The following ZNF385B variants were observed in gnomAD, a reference collection of about 807,000 sequenced individuals.
ZNF385B encodes zinc finger protein 533.
In ZNF385B, 23 loss-of-function variants were observed where a neutral mutation model predicts 39.2. The ratio of observed to expected loss-of-function variants is 0.59; its 90% CI spans 0.42 to 0.83. ZNF385B has a LOEUF of 0.83. ZNF385B is among the 40% of genes least tolerant of loss of function. ZNF385B has a pLI of 0.00. For synonymous variants in ZNF385B, 205 were observed against 222.6 expected (o/e 0.92, Z 0.70); for missense variants, 552 against 598.9 (o/e 0.92, Z 0.82).
intron 3 of ZNF385B, among the ~76,000 whole-genome samples, chr2:179,582,566 G>C (rs962670723): frequency 3.3e-5 from 5 of 152,030 alleles, no homozygotes; most frequent in Admixed American, 1.3e-4. Flanking sequence ...TTTAGTTCTT[G>C]AGGAGACATC....
chr2:179,445,082 T>TGGAAC, intron 8 of ZNF385B, 105 bp from the exon 9 acceptor site: 1 of 936,386 alleles, frequency 1.1e-6, no homozygotes, highest in Non-Finnish European at 1.7e-6. Flanking sequence ...AGGTCCATAG[T>TGGAAC]TCCACGATGG....
chr2:179,536,839 T>C (rs2059594570), intron 4 of ZNF385B, among the ~76,000 whole-genome samples: 1 of 152,124 alleles, frequency 6.6e-6, no homozygotes, highest in Admixed American at 6.6e-5. Context: ...GACTATGCAT[T>C]ATACAAACAT....
chr2:179,521,170 T>TTTTG (rs2058463822), intron 4 of ZNF385B, among the ~76,000 whole-genome samples: 1 of 148,072 alleles, frequency 6.8e-6, no homozygotes, highest in Non-Finnish European at 1.5e-5. Context: ...TAATACAGTT[T>TTTTG]TTTTTGTTTT....
At chr2:179,504,769 C>T (rs1293862579) in intron 5 of ZNF385B, among the ~76,000 whole-genome samples, 3 of 151,406 alleles carry the variant, frequency 2.0e-5, no homozygotes, top group Non-Finnish European at 4.4e-5. Context: ...GTAACAAACC[C>T]GCACGTTGTG....
intron 3 of ZNF385B, among the ~76,000 whole-genome samples, chr2:179,592,284 A>T (rs1687630756): frequency 6.6e-6 from 1 of 151,562 alleles, no homozygotes; most frequent in Admixed American, 6.6e-5. Flanking sequence ...GTCTATTTGG[A>T]AAAAAAAACC....
intron 3 of ZNF385B, among the ~76,000 whole-genome samples, chr2:179,694,989 G>GAAA (rs1698628255): frequency 6.7e-6 from 1 of 149,228 alleles, no homozygotes; most frequent in Admixed American, 6.6e-5. Context: ...AGGAGGAGGA[G>GAAA]AAGAAAAAGA....
At chr2:179,808,189 C>A (rs1165211586) in intron 1 of ZNF385B, among the ~76,000 whole-genome samples, 1 of 151,934 alleles carries the variant, frequency 6.6e-6, no homozygotes, top group African/African-American at 2.4e-5. Context: ...CACGCCGCCA[C>A]GCCTGGCTAA....
At chr2:179,503,646 A>T (rs1420600537) in intron 5 of ZNF385B, among the ~76,000 whole-genome samples, 3 of 152,176 alleles carry the variant, frequency 2.0e-5, no homozygotes, top group African/African-American at 4.8e-5. Context: ...TTTAAGTCTT[A>T]AAAAGAGATT....
chr2:179,752,176 C>T (rs571199432), intron 3 of ZNF385B, among the ~76,000 whole-genome samples: 3 of 152,146 alleles, frequency 2.0e-5, no homozygotes, highest in South Asian at 2.1e-4. Flanking sequence ...TGAGTGAGAA[C>T]ACGTGGTGTT....
At chr2:179,448,766 A>G (rs950948538) in intron 6 of ZNF385B, among the ~76,000 whole-genome samples, 4 of 152,140 alleles carry the variant, frequency 2.6e-5, no homozygotes, top group Non-Finnish European at 5.9e-5. Context: ...TCTGTGGTAC[A>G]CTAATATTTC....
At chr2:179,663,713 C>CAAAAAAAAAAAAAAAAAAAAA (rs71401756) in intron 3 of ZNF385B, among the ~76,000 whole-genome samples, 1 of 67,732 alleles carries the variant, frequency 1.5e-5, no homozygotes, top group East Asian at 5.5e-4. Context: ...GACTCCGTCT[C>CAAAAAAAAAAAAAAAAAAAAA]AAAAAAAAAA....
chr2:179,537,268 C>A (rs2059624513), intron 4 of ZNF385B, among the ~76,000 whole-genome samples: 1 of 142,246 alleles, frequency 7.0e-6, no homozygotes, highest in Non-Finnish European at 1.5e-5. Flanking sequence ...TGCCATTGTA[C>A]TCTAGCCTGG....
At chr2:179,813,459 T>G (rs1575538727) in intron 1 of ZNF385B, among the ~76,000 whole-genome samples, 1 of 151,560 alleles carries the variant, frequency 6.6e-6, no homozygotes, top group South Asian at 2.1e-4. Flanking sequence ...ACAGCCACTA[T>G]GACAGACAAA....
At chr2:179,787,708 T>C (rs1351611704) in intron 1 of ZNF385B, among the ~76,000 whole-genome samples, 1 of 152,156 alleles carries the variant, frequency 6.6e-6, no homozygotes, top group Non-Finnish European at 1.5e-5. Context: ...TCCAGTGTAA[T>C]CTTATCAGAA....
At chr2:179,507,608 TA>T in intron 5 of ZNF385B, among the ~76,000 whole-genome samples, 1 of 152,326 alleles carries the variant, frequency 6.6e-6, no homozygotes, top group East Asian at 1.9e-4. Flanking sequence ...GCAGTATTTA[TA>T]ATTGTATTAG....
At chr2:179,619,813 A>G (rs1317377238) in intron 3 of ZNF385B, among the ~76,000 whole-genome samples, 1 of 152,202 alleles carries the variant, frequency 6.6e-6, no homozygotes, top group African/African-American at 2.4e-5. Context: ...ATACATAGAA[A>G]ATAAATAAAA....
intron 6 of ZNF385B, among the ~76,000 whole-genome samples, chr2:179,474,929 C>T (rs6744352): frequency 6.6e-6 from 1 of 151,990 alleles, no homozygotes; most frequent in Non-Finnish European, 1.5e-5. Context: ...TATCCATACT[C>T]CCTACTGCTG....
At chr2:179,644,403 C>T (rs1207222905) in intron 3 of ZNF385B, among the ~76,000 whole-genome samples, 2 of 152,118 alleles carry the variant, frequency 1.3e-5, no homozygotes, top group East Asian at 3.9e-4. Flanking sequence ...AATCAGACTA[C>T]AAAATGCATG....
In ZNF385B at chr2:179,442,346, C is replaced by T. The variant is rs2049048012; in HGVS notation, c.*904G>A. ...TAGAAATACATGGATTCATTGTCTTCTTGCAGAATGCACAAGAGGTGCAAA... is the reference window on the plus strand; with the variant it reads ...TAGAAATACATGGATTCATTGTCTTTTTGCAGAATGCACAAGAGGTGCAAA... On this transcript the variant is annotated 3_prime_UTR_variant, in exon 10 of 10. Transcript: ENST00000410066. 1.3e-5 allele frequency: 2 copies of T among 152,734 alleles called. No individual in the cohort carries two copies. The highest frequency in any genetic ancestry group is 4.8e-5 in the African/African-American group (2 of 41,570). 9.5% of individuals were successfully genotyped at this position (152,734 alleles called of 1,614,324 possible). A position where few individuals can be genotyped will look rare whatever the true frequency, so the allele number is the denominator to read the frequency against.
Sources: allele counts gnomAD v4.1 joint callset (sites outside exome capture counted in the v4.1 genomes callset), GRCh38; gene constraint gnomAD v4.1.1; transcripts MANE v1.5; gene names NCBI Gene and HGNC (gene_info 2026-07-23, HGNC 2026-07-21).